AGBL4: variants seen among roughly 807,000 people sequenced by gnomAD.
The protein encoded by AGBL4 is AGBL carboxypeptidase 4, also known as cytosolic carboxypeptidase 6.
In AGBL4, 58 loss-of-function variants were observed where a neutral mutation model predicts 66.4. The ratio of observed to expected loss-of-function variants is 0.87; its 90% CI spans 0.71 to 1.09. The LOEUF is 1.09. Ranked by LOEUF, AGBL4 falls within the 50% of genes least tolerant of loss-of-function variation. The pLI is 0.00. For missense variants in AGBL4, 579 were observed against 631.0 expected (o/e 0.92, Z 0.88); for synonymous variants, 234 against 222.9 (o/e 1.05, Z -0.44).
intron 5 of AGBL4, among the ~76,000 whole-genome samples, chr1:48,874,675 A>G (rs1300925742): frequency 6.6e-6 from 1 of 152,186 alleles, no homozygotes; most frequent in African/African-American, 2.4e-5. Flanking sequence ...TTCAGACAAT[A>G]AAGTGGGGCC....
intron 1 of AGBL4, among the ~76,000 whole-genome samples, chr1:49,914,453 C>T (rs1266692031): frequency 6.6e-6 from 1 of 152,194 alleles, no homozygotes; most frequent in African/African-American, 2.4e-5. Flanking sequence ...ATCAGAATAG[C>T]CTTTGCTGTC....
intron 3 of AGBL4, among the ~76,000 whole-genome samples, chr1:49,447,100 G>T (rs554736703): frequency 6.6e-6 from 1 of 152,214 alleles, no homozygotes; most frequent in Admixed American, 6.5e-5. Context: ...TGGGAAGAGG[G>T]TTCTTGTTCT....
intron 1 of AGBL4, among the ~76,000 whole-genome samples, chr1:49,852,892 T>G (rs1185940641): frequency 1.3e-5 from 2 of 151,906 alleles, no homozygotes; most frequent in African/African-American, 4.8e-5. Flanking sequence ...CTAGAATAAT[T>G]TGAAGCTAAT....
At chr1:48,857,005 G>A (rs925042089) in intron 6 of AGBL4, among the ~76,000 whole-genome samples, 2 of 152,130 alleles carry the variant, frequency 1.3e-5, no homozygotes, top group Non-Finnish European at 2.9e-5. Context: ...TTTAGAATAC[G>A]ATTTAGATTT....
At chr1:48,933,926 A>G (rs931827518) in intron 5 of AGBL4, among the ~76,000 whole-genome samples, 5 of 152,126 alleles carry the variant, frequency 3.3e-5, no homozygotes, top group Non-Finnish European at 7.4e-5. Context: ...ACTGATTTGC[A>G]TCTTCTTGGT....
chr1:49,548,261 G>C (rs1419099627), intron 3 of AGBL4, among the ~76,000 whole-genome samples: 1 of 152,172 alleles, frequency 6.6e-6, no homozygotes, highest in Non-Finnish European at 1.5e-5. Flanking sequence ...GTGACCGTTT[G>C]ACTTCCTCTT....
chr1:48,909,755 A>G (rs1406036278), intron 5 of AGBL4, among the ~76,000 whole-genome samples: 1 of 152,254 alleles, frequency 6.6e-6, no homozygotes, highest in African/African-American at 2.4e-5. Context: ...TACAGAACAC[A>G]TACCATTCTT....
chr1:49,430,727 T>C (rs1318807808), intron 3 of AGBL4, among the ~76,000 whole-genome samples: 2 of 152,182 alleles, frequency 1.3e-5, no homozygotes, highest in Non-Finnish European at 2.9e-5. Flanking sequence ...TCTGTGAAAC[T>C]AGCACTCAGA....
intron 6 of AGBL4, among the ~76,000 whole-genome samples, chr1:48,678,040 G>A (rs1380767570): frequency 2.0e-5 from 3 of 152,214 alleles, no homozygotes. Context: ...AAAGGAAGCA[G>A]GTGTCAGTTG....
chr1:49,391,527 T>C (rs544845379), intron 3 of AGBL4, among the ~76,000 whole-genome samples: 116 of 150,794 alleles, frequency 7.7e-4, no homozygotes, highest in African/African-American at 2.6e-3. Context: ...TGAGAGAGCA[T>C]GAAAAATCCA....
intron 5 of AGBL4, among the ~76,000 whole-genome samples, chr1:48,918,623 A>G (rs1487959964): frequency 6.6e-6 from 1 of 152,178 alleles, no homozygotes; most frequent in African/African-American, 2.4e-5. Context: ...TTGGGATACA[A>G]CAAGAAGATG....
intron 1 of AGBL4, among the ~76,000 whole-genome samples, chr1:49,865,576 A>C (rs1427572152): frequency 6.6e-6 from 1 of 152,182 alleles, no homozygotes; most frequent in Non-Finnish European, 1.5e-5. Context: ...ATCAACAAAA[A>C]GTCCCCATAA....
At chr1:49,253,710 CAA>C (rs779751943) in intron 3 of AGBL4, among the ~76,000 whole-genome samples, 6 of 114,968 alleles carry the variant, frequency 5.2e-5, no homozygotes, top group African/African-American at 6.5e-5. Flanking sequence ...CTGGCAGAGA[CAA>C]AAAAAAAAAA....
chr1:49,321,968 T>C (rs1045422011), intron 3 of AGBL4, among the ~76,000 whole-genome samples: 1 of 152,194 alleles, frequency 6.6e-6, no homozygotes, highest in Non-Finnish European at 1.5e-5. Context: ...GATGGTGTAC[T>C]ACAAAAATGG....
At chr1:49,352,931 T>C (rs1643941072) in intron 3 of AGBL4, among the ~76,000 whole-genome samples, 2 of 152,236 alleles carry the variant, frequency 1.3e-5, no homozygotes, top group South Asian at 2.1e-4. Flanking sequence ...TCTGTAACAC[T>C]GCCTCTATCT....
chr1:49,630,367 G>A lies in AGBL4; in HGVS notation c.282+66946C>T, dbSNP rs187571475. ...TCTGTGTGCCCTCTTGTGGCACATAGTCTTCTGGTAAGTCTTCTGGTGTCA... is the reference window on the plus strand; with the variant it reads ...TCTGTGTGCCCTCTTGTGGCACATAATCTTCTGGTAAGTCTTCTGGTGTCA... On this transcript the variant is annotated intron_variant, in intron 3 of 13. Coordinates refer to ENST00000371839, the MANE Select transcript of AGBL4 (RefSeq NM_032785.4). 2.0e-3 allele frequency among the ~76,000 whole-genome samples: 306 copies of A among 152,214 alleles called. 2 individuals carry two copies. The highest frequency in any genetic ancestry group is 1.0e-2 in the South Asian group (48 of 4,816).
intron 1 of AGBL4, among the ~76,000 whole-genome samples, chr1:49,951,701 G>A (rs374561481): frequency 1.2e-4 from 18 of 152,012 alleles, no homozygotes; most frequent in African/African-American, 3.9e-4. Flanking sequence ...TTAAGATAGA[G>A]AGAGACTCTT....
intron 3 of AGBL4, among the ~76,000 whole-genome samples, chr1:49,332,174 G>A (rs1006325766): frequency 1.3e-5 from 2 of 152,150 alleles, no homozygotes; most frequent in African/African-American, 4.8e-5. Flanking sequence ...TCAGGATGAA[G>A]GCAAGTCTTA....
At chr1:49,754,039 T>C (rs1391744959) in intron 2 of AGBL4, among the ~76,000 whole-genome samples, 1 of 152,204 alleles carries the variant, frequency 6.6e-6, no homozygotes, top group Non-Finnish European at 1.5e-5. Context: ...CAGAGGATTT[T>C]GTTATTACCC....
Sources: gnomAD v4.1 joint callset for allele counts (sites outside exome capture counted in the v4.1 genomes callset) on GRCh38, gnomAD v4.1.1 for gene constraint, MANE v1.5 for transcripts, NCBI Gene and HGNC (gene_info 2026-07-23, HGNC 2026-07-21) for gene names.